Variants in SRPK1 observed in about 807,000 individuals in gnomAD.
SRPK1 encodes SFRS protein kinase 1.
In SRPK1, 52 loss-of-function variants were observed where a neutral mutation model predicts 89.5. The ratio of observed to expected loss-of-function variants is 0.58; its 90% CI spans 0.46 to 0.73. The LOEUF (loss-of-function observed/expected upper bound fraction) is 0.73, where lower values mean the gene tolerates loss of function less well. SRPK1 is among the 30% of genes least tolerant of loss of function. SRPK1 has a pLI of 0.00. For missense variants in SRPK1, 603 were observed against 780.6 expected (o/e 0.77, Z 2.71); for synonymous variants, 255 against 270.2 (o/e 0.94, Z 0.55).
intron 8 of SRPK1, 112 bp from the exon 9 acceptor site, chr6:35,871,071 T>G: frequency 1.5e-6 from 1 of 681,302 alleles, no homozygotes; most frequent in African/African-American, 1.8e-5. Context: ...GTAGTCTACA[T>G]TGCAGAGAAA....
intron 2 of SRPK1, among the ~76,000 whole-genome samples, chr6:35,897,037 C>T (rs543266904): frequency 5.3e-5 from 8 of 152,056 alleles, no homozygotes; most frequent in African/African-American, 1.9e-4. Flanking sequence ...AGTAGATTAG[C>T]GGTTGCCAGG....
chr6:35,883,873 TACAGGCGCCTGCCACC>T (rs1003297350), intron 6 of SRPK1, among the ~76,000 whole-genome samples: 3 of 152,038 alleles, frequency 2.0e-5, no homozygotes, highest in Admixed American at 2.0e-4. Flanking sequence ...TAGCTGGGAC[TACAGGCGCCTGCCACC>T]ACGCCCAGCT....
intron 1 of SRPK1, 168 bp downstream of exon 1, chr6:35,920,876 G>T (rs1290210350): frequency 3.0e-6 from 2 of 662,586 alleles, no homozygotes; most frequent in Non-Finnish European, 4.7e-6. Context: ...ACTGAGGGGC[G>T]CGGACCCGCA....
chr6:35,863,576 A>G (rs1425861548), intron 12 of SRPK1, among the ~76,000 whole-genome samples: 1 of 151,248 alleles, frequency 6.6e-6, no homozygotes, highest in Non-Finnish European at 1.5e-5. Context: ...AAGAGAGTTA[A>G]GGCATCCAGA....
chr6:35,882,348 G>A (rs538406539), intron 6 of SRPK1, among the ~76,000 whole-genome samples: 3 of 151,126 alleles, frequency 2.0e-5, no homozygotes, highest in Non-Finnish European at 4.4e-5. Context: ...AATGCATCTT[G>A]TTGTGCCACC....
At chr6:35,882,362 A>G (rs1440097839) in intron 6 of SRPK1, among the ~76,000 whole-genome samples, 1 of 151,836 alleles carries the variant, frequency 6.6e-6, no homozygotes, top group Non-Finnish European at 1.5e-5. Context: ...TGCCACCCAC[A>G]CTGGAGTACA....
rs185309145 is a variant in SRPK1 at position 35,879,806 on chromosome 6, T to C, written c.479-5467A>G. 3.7e-4 allele frequency among the ~76,000 whole-genome samples: 56 copies of C among 152,172 alleles called. 1 individual carries two copies. In the East Asian group the frequency reaches 0.01, roughly 28 times the overall value. Reference sequence around the variant, plus strand: ...AGATGCTTAGGCCAGGTGTGGTGGCTCATTCCTGTAACCCTATCACTTTCA... The same window carrying C: ...AGATGCTTAGGCCAGGTGTGGTGGCCCATTCCTGTAACCCTATCACTTTCA... On this transcript the variant is annotated intron_variant, in intron 6 of 15. Coordinates refer to ENST00000373825, the MANE Select transcript of SRPK1 (RefSeq NM_003137.5).
At position 35,868,911 on chromosome 6, in the gene SRPK1, A is replaced by G. The variant is rs572173500; in HGVS notation, c.1512+99T>C. 4 of 884,350 alleles carry G rather than the reference A, an allele frequency of 4.5e-6. No homozygotes were observed. The African/African-American group carries it at 6.8e-5, about 15-fold the overall frequency. 54.8% of individuals were successfully genotyped at this position (884,350 alleles called of 1,614,324 possible). On this transcript the variant is annotated intron_variant, in intron 12 of 15. Transcript: ENST00000373825. ...AAATATTCACTGAAGTGTTGTATCAATCTGGGTACAGAATTATGGATGTTT... is the reference window on the plus strand; with the variant it reads ...AAATATTCACTGAAGTGTTGTATCAGTCTGGGTACAGAATTATGGATGTTT...
intron 14 of SRPK1, among the ~76,000 whole-genome samples, chr6:35,840,017 G>A (rs918207436): frequency 4.6e-5 from 7 of 151,830 alleles, no homozygotes; most frequent in Admixed American, 1.3e-4. Context: ...ATGTTGCCCA[G>A]GCTGGTCTCA....
At chr6:35,873,878 G>C (rs1205133713) in intron 7 of SRPK1, among the ~76,000 whole-genome samples, 1 of 151,716 alleles carries the variant, frequency 6.6e-6, no homozygotes, top group African/African-American at 2.4e-5. Context: ...CCAGGCTGGA[G>C]TGCAGTGGTG....
chr6:35,851,860 C>A (rs1338963090), intron 13 of SRPK1, among the ~76,000 whole-genome samples: 1 of 152,144 alleles, frequency 6.6e-6, no homozygotes, highest in African/African-American at 2.4e-5. Flanking sequence ...TATTTAAGTT[C>A]TCATTAATTG....
chr6:35,852,672 T>C lies in SRPK1; in HGVS notation c.1620+4589A>G, dbSNP rs1022897944. 2.0e-5 allele frequency among the ~76,000 whole-genome samples: 3 copies of C among 152,240 alleles called. No individual in the cohort carries two copies. In the South Asian group the frequency reaches 6.2e-4, roughly 32 times the overall value. On this transcript the variant is annotated intron_variant, in intron 13 of 15. Coordinates refer to ENST00000373825, the MANE Select transcript of SRPK1 (RefSeq NM_003137.5). ...TCATTCGGGCAGCTCAGATTGGGAA[T>C]TGGTGATGATGGAGAAAGAGCTCTT... is the stretch of plus-strand genomic sequence containing the variant.
intron 14 of SRPK1, 99 bp from the exon 15 acceptor site, chr6:35,838,528 T>G: frequency 7.7e-7 from 1 of 1,306,862 alleles, no homozygotes; most frequent in Non-Finnish European, 1.1e-6. Context: ...AGCATGCACA[T>G]CTCTTTGTAA....
rs770868663 is a variant in SRPK1 at position 35,835,495 on chromosome 6, T to C, written c.1784-7A>G. 1 of 1,607,352 alleles carries C rather than the reference T, an allele frequency of 6.2e-7. No individual in the cohort carries two copies. Among genetic ancestry groups the C allele is most frequent in the Non-Finnish European group, 8.5e-7 (1 of 1,176,958 alleles). On this transcript the variant is annotated splice_region_variant and splice_polypyrimidine_tract_variant and intron_variant, in intron 15 of 15. Transcript: ENST00000373825. ...GTGATATGTTTCAGGTCACCTGCAG[T>C]GAAGACAGTACAGAAAAAGCCACTG... is the stretch of plus-strand genomic sequence containing the variant.
intron 6 of SRPK1, 83 bp from the exon 7 acceptor site, chr6:35,874,422 T>C (rs2127249299): frequency 2.3e-6 from 2 of 883,808 alleles, no homozygotes; most frequent in Non-Finnish European, 3.6e-6. Context: ...TATTAAATGT[T>C]ATGTATTATT....
At chr6:35,852,158 C>G (rs1052578049) in intron 13 of SRPK1, among the ~76,000 whole-genome samples, 45 of 152,136 alleles carry the variant, frequency 3.0e-4, no homozygotes, top group Non-Finnish European at 1.9e-4. Context: ...AAATGCTTGC[C>G]TCTCTCAATT....
intron 6 of SRPK1, among the ~76,000 whole-genome samples, chr6:35,884,183 GA>G (rs1049046989): frequency 4.6e-5 from 7 of 150,984 alleles, no homozygotes; most frequent in South Asian, 2.1e-4. Flanking sequence ...AATACAGCAT[GA>G]AAAAAAAAGT....
At chr6:35,895,469 TC>T (rs1770610859) in intron 2 of SRPK1, among the ~76,000 whole-genome samples, 1 of 142,832 alleles carries the variant, frequency 7.0e-6, no homozygotes, top group Non-Finnish European at 1.5e-5. Flanking sequence ...GTGTGTGTGT[TC>T]ATCCACAGTT....
intron 9 of SRPK1, 119 bp from the exon 10 acceptor site, chr6:35,870,613 A>T: frequency 1.1e-6 from 1 of 912,402 alleles, no homozygotes; most frequent in South Asian, 1.8e-5. Flanking sequence ...TCCCTAACAT[A>T]GCACTTAAGT....
Sources: gnomAD v4.1 joint callset for allele counts (sites outside exome capture counted in the v4.1 genomes callset) on GRCh38, gnomAD v4.1.1 for gene constraint, MANE v1.5 for transcripts, NCBI Gene and HGNC (gene_info 2026-07-23, HGNC 2026-07-21) for gene names.